Variants in IGBP1C observed in about 807,000 individuals in gnomAD.
IGBP1C encodes the protein IGBP1 family member C.
chr17:58,673,208 C>T, the IGBP1C span, among the ~76,000 whole-genome samples: 3 of 150,886 alleles, frequency 2.0e-5, no homozygotes, highest in Non-Finnish European at 4.4e-5. Flanking sequence ...GGGCAGGGCG[C>T]GGTAGCTTAT....
the IGBP1C span, chr17:58,660,854 C>T: frequency 3.8e-6 from 3 of 792,932 alleles, no homozygotes; most frequent in East Asian, 2.4e-5. Context: ...CGCCATGTTC[C>T]GAGTGAGAAT....
At chr17:58,686,546 C>T in the IGBP1C span, among the ~76,000 whole-genome samples, 1 of 151,974 alleles carries the variant, frequency 6.6e-6, no homozygotes, top group Non-Finnish European at 1.5e-5. Context: ...CACTGCCATG[C>T]CCAGGTTATG....
chr17:58,690,485 C>T, the IGBP1C span, among the ~76,000 whole-genome samples: 1 of 152,126 alleles, frequency 6.6e-6, no homozygotes, highest in East Asian at 1.9e-4. Context: ...TTGAACTTTC[C>T]ACTGTCAACG....
At chr17:58,674,778 C>A in the IGBP1C span, among the ~76,000 whole-genome samples, 5 of 139,398 alleles carry the variant, frequency 3.6e-5, no homozygotes, top group African/African-American at 1.3e-4. Context: ...TATAGTATGT[C>A]AATTATCCTT....
the IGBP1C span, among the ~76,000 whole-genome samples, chr17:58,662,450 CACAG>C: frequency 6.7e-6 from 1 of 150,168 alleles, no homozygotes; most frequent in Non-Finnish European, 1.5e-5. Flanking sequence ...CACACACACA[CACAG>C]AATCAAACCA....
At chr17:58,684,195 C>T in the IGBP1C span, among the ~76,000 whole-genome samples, 1 of 149,696 alleles carries the variant, frequency 6.7e-6, no homozygotes, top group Admixed American at 6.7e-5. Context: ...TGGTGACTCA[C>T]GTGAGCCTAT....
chr17:58,673,040 T>C, the IGBP1C span, among the ~76,000 whole-genome samples: 4 of 151,986 alleles, frequency 2.6e-5, no homozygotes, highest in African/African-American at 9.7e-5. Flanking sequence ...CCGGCATTCC[T>C]TTTATACATA....
the IGBP1C span, among the ~76,000 whole-genome samples, chr17:58,682,722 G>A: frequency 6.6e-6 from 1 of 152,168 alleles, no homozygotes; most frequent in Non-Finnish European, 1.5e-5. Flanking sequence ...ACAAGTCCCA[G>A]TTTCAATGTT....
the IGBP1C span, among the ~76,000 whole-genome samples, chr17:58,684,386 C>T: frequency 1.5e-4 from 22 of 151,488 alleles, no homozygotes; most frequent in East Asian, 3.7e-3. Flanking sequence ...CGCTTGAACA[C>T]GGGAGGCGGA....
the IGBP1C span, among the ~76,000 whole-genome samples, chr17:58,669,468 C>T: frequency 6.6e-6 from 1 of 151,924 alleles, no homozygotes; most frequent in African/African-American, 2.4e-5. Context: ...CGTGGTGGCT[C>T]ACGCCTGTAA....
At chr17:58,665,295 A>G in the IGBP1C span, among the ~76,000 whole-genome samples, 1 of 151,636 alleles carries the variant, frequency 6.6e-6, no homozygotes, top group African/African-American at 2.4e-5. Flanking sequence ...CCCGGCCCAC[A>G]TGAAATTAAC....
At chr17:58,669,121 G>A in the IGBP1C span, among the ~76,000 whole-genome samples, 1 of 152,110 alleles carries the variant, frequency 6.6e-6, no homozygotes, top group Non-Finnish European at 1.5e-5. Context: ...GGAGGGTGAG[G>A]TGGGCAGATC....
chr17:58,675,401 G>C, the IGBP1C span: 2 of 154,702 alleles, frequency 1.3e-5, no homozygotes, highest in Non-Finnish European at 2.9e-5. Flanking sequence ...AGAATGCTGG[G>C]TATTAAGAGA....
chr17:58,662,447 A>G, the IGBP1C span, among the ~76,000 whole-genome samples: 2 of 151,864 alleles, frequency 1.3e-5, no homozygotes, highest in Non-Finnish European at 2.9e-5. Flanking sequence ...ACACACACAC[A>G]CACACAGAAT....
chr17:58,682,619 C>G, the IGBP1C span, among the ~76,000 whole-genome samples: 3 of 152,088 alleles, frequency 2.0e-5, no homozygotes, highest in Non-Finnish European at 4.4e-5. Context: ...ATTTACAGGC[C>G]CACCTCAGCT....
At chr17:58,671,232 A>T in the IGBP1C span, among the ~76,000 whole-genome samples, 1 of 152,200 alleles carries the variant, frequency 6.6e-6, no homozygotes, top group South Asian at 2.1e-4. Flanking sequence ...ATTTTGAGAA[A>T]TGAATAGACT....
At chr17:58,662,126 C>T in the IGBP1C span, among the ~76,000 whole-genome samples, 1 of 149,390 alleles carries the variant, frequency 6.7e-6, no homozygotes, top group Non-Finnish European at 1.5e-5. Context: ...CAGGCGTGAG[C>T]CACCACGCCT....
the IGBP1C span, among the ~76,000 whole-genome samples, chr17:58,667,416 A>G: frequency 1.3e-5 from 2 of 152,214 alleles, no homozygotes; most frequent in Non-Finnish European, 2.9e-5. Context: ...CTTAAAGCAT[A>G]ATTATAACAT....
At chr17:58,670,917 C>T in the IGBP1C span, among the ~76,000 whole-genome samples, 1 of 151,752 alleles carries the variant, frequency 6.6e-6, no homozygotes, top group Non-Finnish European at 1.5e-5. Context: ...TCCCTGTAGC[C>T]ATTCCACAAT....
Sources: gnomAD v4.1 joint callset for allele counts (sites outside exome capture counted in the v4.1 genomes callset) on GRCh38, gnomAD v4.1.1 for gene constraint, MANE v1.5 for transcripts, NCBI Gene and HGNC (gene_info 2026-07-23, HGNC 2026-07-21) for gene names.